The following PPP2R2B variants were observed in gnomAD, a reference collection of about 807,000 sequenced individuals.
PPP2R2B encodes the protein serine/threonine-protein phosphatase 2A 55 kDa regulatory subunit B beta isoform.
A neutral mutation model predicts 46.0 loss-of-function variants in PPP2R2B; 5 were observed. The ratio of observed to expected loss-of-function variants is 0.11; its 90% CI spans 0.06 to 0.23. The LOEUF (loss-of-function observed/expected upper bound fraction) is 0.23. Among genes scored for constraint, PPP2R2B ranks in the 10% least tolerant of loss-of-function variants. The pLI is 1.00. For missense variants in PPP2R2B, 367 were observed against 575.0 expected (o/e 0.64, Z 3.70); for synonymous variants, 215 against 206.7 (o/e 1.04, Z -0.34).
chr5:146,949,396 T>C (rs969013761), intron 1 of PPP2R2B, among the ~76,000 whole-genome samples: 1 of 152,012 alleles, frequency 6.6e-6, no homozygotes, highest in African/African-American at 2.4e-5. Flanking sequence ...TAGGCATATA[T>C]AAAAGTGCTC....
intron 1 of PPP2R2B, among the ~76,000 whole-genome samples, chr5:147,030,141 C>T (rs939664195): frequency 6.6e-6 from 1 of 152,082 alleles, no homozygotes; most frequent in African/African-American, 2.4e-5. Flanking sequence ...TGATATATTC[C>T]TCCAGTCACT....
rs181262113 is a variant in PPP2R2B, at chr5:146,895,296, C to T, written c.79+160369G>A. On this transcript the variant is annotated intron_variant, in intron 1 of 8. Transcript: ENST00000336640. Reference sequence around the variant, plus strand: ...AGAATTCTTGCTGATGCAGACAAGTCGGCCCCCTGCCATACTGCTCTCATA... The same window carrying T: ...AGAATTCTTGCTGATGCAGACAAGTTGGCCCCCTGCCATACTGCTCTCATA... 1.1e-4 allele frequency among the ~76,000 whole-genome samples: 16 copies of T among 152,298 alleles called. No homozygotes were observed. In the East Asian group the frequency reaches 2.9e-3, roughly 28 times the overall value.
At chr5:146,644,605 A>T (rs1433720287) in intron 6 of PPP2R2B, among the ~76,000 whole-genome samples, 1 of 152,220 alleles carries the variant, frequency 6.6e-6, no homozygotes, top group Non-Finnish European at 1.5e-5. Flanking sequence ...AAATACAGTG[A>T]TTGTAACAAA....
chr5:146,609,442 A>T (rs1344609144), intron 7 of PPP2R2B, among the ~76,000 whole-genome samples: 1 of 152,246 alleles, frequency 6.6e-6, no homozygotes, highest in Non-Finnish European at 1.5e-5. Context: ...CTTGTATTTG[A>T]AAAAACTTAA....
intron 7 of PPP2R2B, among the ~76,000 whole-genome samples, chr5:146,620,913 G>A (rs150949994): frequency 3.3e-5 from 5 of 152,324 alleles, no homozygotes; most frequent in South Asian, 2.1e-4. Context: ...GGTTGCCATG[G>A]CACCGCAGAG....
intron 7 of PPP2R2B, 79 bp downstream of exon 7, chr5:146,638,172 G>T: frequency 6.9e-7 from 1 of 1,451,584 alleles, no homozygotes; most frequent in Non-Finnish European, 9.4e-7. Flanking sequence ...TAGAAAGGGA[G>T]ATCATAAGCT....
Position 146,889,953 on chromosome 5 carries a change from C to T in PPP2R2B, c.79+165712G>A, listed in dbSNP as rs553790970. ...ATGATGAAAGCCTAGAGAAAAGATG[C>T]GACTTGCCCAGGTTACCTGGTAATT... On this transcript the variant is annotated intron_variant, in intron 1 of 8. Transcript: ENST00000336640. 8.9e-4 allele frequency among the ~76,000 whole-genome samples: 135 copies of T among 152,236 alleles called. 2 individuals are homozygous for T. The highest frequency in any genetic ancestry group is 3.1e-3 in the African/African-American group (127 of 41,520).
At chr5:147,034,029 G>A (rs994342284) in intron 1 of PPP2R2B, among the ~76,000 whole-genome samples, 1 of 151,886 alleles carries the variant, frequency 6.6e-6, no homozygotes, top group African/African-American at 2.4e-5. Flanking sequence ...GGTGTTTAAG[G>A]CCATATATGG....
At position 147,076,991 on chromosome 5, in the gene PPP2R2B, G is replaced by C. The variant is rs7721961; in HGVS notation, c.50+4068C>G. Among the ~76,000 whole-genome samples the C allele has an allele frequency of 4.9e-3, 730 of 149,988 alleles. 1 individual carries two copies. The highest frequency in any genetic ancestry group is 7.4e-3 in the Non-Finnish European group (501 of 67,828). The stretch of plus-strand genomic sequence containing the variant: ...TACTTGATACCCAAGATGCACATAA[G>C]TATCTTGCACCAAGATGCAATTTGA... On this transcript the variant is annotated intron_variant, in intron 2 of 10. Coordinates refer to the PPP2R2B transcript ENST00000394413.
At chr5:146,831,126 T>C (rs1162382683) in intron 2 of PPP2R2B, among the ~76,000 whole-genome samples, 1 of 152,152 alleles carries the variant, frequency 6.6e-6, no homozygotes, top group Non-Finnish European at 1.5e-5. Flanking sequence ...TGTTACTCGT[T>C]ATGTATACTA....
chr5:146,882,071 A>G (rs1233331114), upstream of PPP2R2B, among the ~76,000 whole-genome samples: 1 of 152,008 alleles, frequency 6.6e-6, no homozygotes, highest in African/African-American at 2.4e-5. Context: ...AGGTCAGGAG[A>G]TCGAGGCCAT....
intron 4 of PPP2R2B, among the ~76,000 whole-genome samples, chr5:146,695,585 T>C (rs1779130971): frequency 6.6e-6 from 1 of 152,192 alleles, no homozygotes; most frequent in South Asian, 2.1e-4. Flanking sequence ...TTCCCCATGG[T>C]TGGGTTGCCT....
intron 1 of PPP2R2B, among the ~76,000 whole-genome samples, chr5:146,907,355 C>T (rs1195254916): frequency 6.6e-6 from 1 of 152,144 alleles, no homozygotes; most frequent in Non-Finnish European, 1.5e-5. Flanking sequence ...AGCTCTTCTC[C>T]CAGAGCTTCT....
At chr5:146,950,888 T>C (rs1764630541) in intron 1 of PPP2R2B, among the ~76,000 whole-genome samples, 1 of 151,998 alleles carries the variant, frequency 6.6e-6, no homozygotes, top group South Asian at 2.1e-4. Context: ...ATATAAGAAA[T>C]ATTTAATTCT....
chr5:146,838,510 G>A (rs978202288), intron 2 of PPP2R2B, among the ~76,000 whole-genome samples: 14 of 149,924 alleles, frequency 9.3e-5, no homozygotes, highest in Non-Finnish European at 1.5e-4. Context: ...GGCGGAGATT[G>A]CACTGAGCTA....
intron 2 of PPP2R2B, among the ~76,000 whole-genome samples, chr5:146,809,874 G>A (rs1440148370): frequency 6.6e-6 from 1 of 152,176 alleles, no homozygotes; most frequent in African/African-American, 2.4e-5. Flanking sequence ...TAGTGCAGGT[G>A]GGAAATGGCA....
Position 146,589,810 on chromosome 5 carries a change from T to C in PPP2R2B, c.*137A>G, listed in dbSNP as rs112470770. 175 of 938,400 alleles carry C rather than the reference T, an allele frequency of 1.9e-4. No homozygotes were observed. In the African/African-American group the frequency reaches 2.0e-3, roughly 11 times the overall value. 58.1% of individuals were successfully genotyped at this position (938,400 alleles called of 1,614,324 possible). A position where few individuals can be genotyped will look rare whatever the true frequency, so the allele number is the denominator to read the frequency against. ...AACTGGGGAGCTGGGAATGTTGGAC[T>C]CCTTTTAATTCTATTCCAATCATTT... On this transcript the variant is annotated 3_prime_UTR_variant, in exon 10 of 10. Coordinates refer to ENST00000394411, the MANE Select transcript of PPP2R2B (RefSeq NM_181675.4).
At chr5:147,006,877 C>T (rs537608477) in intron 1 of PPP2R2B, among the ~76,000 whole-genome samples, 19 of 152,132 alleles carry the variant, frequency 1.2e-4, no homozygotes, top group African/African-American at 3.9e-4. Context: ...AGATGCCGCC[C>T]GGTGTTTACA....
chr5:146,893,735 G>A (rs1283140794), intron 1 of PPP2R2B, among the ~76,000 whole-genome samples: 2 of 152,096 alleles, frequency 1.3e-5, no homozygotes, highest in Non-Finnish European at 2.9e-5. Flanking sequence ...GAAAGGTGGG[G>A]AGAGCATTAG....
Sources: gnomAD v4.1 joint callset for allele counts (sites outside exome capture counted in the v4.1 genomes callset) on GRCh38, gnomAD v4.1.1 for gene constraint, MANE v1.5 for transcripts, NCBI Gene and HGNC (gene_info 2026-07-23, HGNC 2026-07-21) for gene names.